MYO1D: variants seen among roughly 807,000 people sequenced by gnomAD.
MYO1D encodes unconventional myosin-Id.
Under a neutral mutation model 122.0 loss-of-function variants are expected in MYO1D, and 83 were observed. That is an observed-to-expected ratio of 0.68 (90% CI 0.57 to 0.82). The LOEUF is 0.82. Ranked by LOEUF, MYO1D falls within the 40% of genes least tolerant of loss-of-function variation. The probability of loss-of-function intolerance (pLI) is 0.00; values close to 1 mark genes in which losing one functional copy is unlikely to be tolerated. For synonymous variants in MYO1D, 464 were observed against 446.9 expected, an observed-to-expected ratio of 1.04 and a Z score of -0.48; for missense variants, 1,157 against 1,269.5, an observed-to-expected ratio of 0.91 and a Z score of 1.35.
chr17:32,511,889 TG>T (rs1327087118), intron 21 of MYO1D, among the ~76,000 whole-genome samples: 1 of 152,208 alleles, frequency 6.6e-6, no homozygotes, highest in Non-Finnish European at 1.5e-5. Context: ...TTTATATTTG[TG>T]TGTAGCTGTG....
At chr17:32,630,809 G>A (rs1238202085) in intron 20 of MYO1D, among the ~76,000 whole-genome samples, 2 of 152,000 alleles carry the variant, frequency 1.3e-5, no homozygotes, top group Non-Finnish European at 2.9e-5. Flanking sequence ...TCCTGACCTC[G>A]TGATCCACCC....
chr17:32,764,352 T>G (rs1224060039), intron 8 of MYO1D, among the ~76,000 whole-genome samples: 1 of 152,204 alleles, frequency 6.6e-6, no homozygotes, highest in African/African-American at 2.4e-5. Flanking sequence ...GGTGATCCAC[T>G]GCAAAGCGTG....
chr17:32,503,782 T>G (rs73274238), intron 21 of MYO1D, among the ~76,000 whole-genome samples: 2,066 of 152,364 alleles, frequency 0.014, 37 homozygotes, highest in African/African-American at 0.047. Flanking sequence ...CAACAGCTAC[T>G]GACTGGAGCA....
At chr17:32,717,512 C>T (rs970522863) in intron 15 of MYO1D, among the ~76,000 whole-genome samples, 1 of 152,138 alleles carries the variant, frequency 6.6e-6, no homozygotes, top group Non-Finnish European at 1.5e-5. Context: ...TTTCTTTTTG[C>T]TGAAGTATAT....
At chr17:32,632,223 CT>C (rs2088017173) in intron 20 of MYO1D, among the ~76,000 whole-genome samples, 1 of 152,162 alleles carries the variant, frequency 6.6e-6, no homozygotes, top group African/African-American at 2.4e-5. Context: ...TTATAGCTCA[CT>C]TCAAATAACA....
chr17:32,584,024 G>T (rs529225736), intron 21 of MYO1D, among the ~76,000 whole-genome samples: 1 of 151,862 alleles, frequency 6.6e-6, no homozygotes, highest in Non-Finnish European at 1.5e-5. Flanking sequence ...GGCTGCCCTC[G>T]AACTCCTGGG....
intron 21 of MYO1D, among the ~76,000 whole-genome samples, chr17:32,502,350 A>G (rs1278440420): frequency 6.6e-6 from 1 of 152,224 alleles, no homozygotes; most frequent in East Asian, 1.9e-4. Flanking sequence ...TGAAATAGCC[A>G]GAAGAGGCAA....
At chr17:32,519,561 C>A (rs1222421985) in intron 21 of MYO1D, among the ~76,000 whole-genome samples, 1 of 151,862 alleles carries the variant, frequency 6.6e-6, no homozygotes, top group East Asian at 1.9e-4. Context: ...GAAACGAAGC[C>A]GCTGCCCGAG....
At chr17:32,698,993 A>T (rs1269424694) in intron 16 of MYO1D, among the ~76,000 whole-genome samples, 1 of 152,182 alleles carries the variant, frequency 6.6e-6, no homozygotes, top group East Asian at 1.9e-4. Context: ...TTTCAAGACA[A>T]GTCTTGCTCT....
intron 20 of MYO1D, among the ~76,000 whole-genome samples, chr17:32,613,264 G>A (rs1047607364): frequency 6.6e-6 from 1 of 151,806 alleles, no homozygotes; most frequent in East Asian, 1.9e-4. Context: ...CTACAATATG[G>A]AAAAAGAGAA....
intron 20 of MYO1D, among the ~76,000 whole-genome samples, chr17:32,633,421 C>G (rs1047953921): frequency 1.6e-4 from 24 of 152,180 alleles, no homozygotes; most frequent in Admixed American, 1.3e-3. Flanking sequence ...ACATCCCTCT[C>G]TTTAAGTACA....
chr17:32,494,906 G>C lies in MYO1D; in HGVS notation c.2874C>G (p.Arg958=), dbSNP rs201430613. The C allele has an allele frequency of 1.7e-5, 27 of 1,599,904 alleles. No homozygotes were observed. Among genetic ancestry groups the C allele is most frequent in the African/African-American group, 2.7e-5 (2 of 74,482 alleles). Reference sequence around the variant, plus strand: ...GGTTGGTGACGTTCACTTGAAGGTGGCGCTTCTCACTGCAGGAACCAAAAA... The same window carrying C: ...GGTTGGTGACGTTCACTTGAAGGTGCCGCTTCTCACTGCAGGAACCAAAAA... ...VLVNHFKSEK[R]HLQVNVTNPV... Residue 958 remains arginine (R), a synonymous_variant, in exon 22 of 22, where the codon CGC becomes CGG. Transcript: ENST00000318217.
intron 20 of MYO1D, among the ~76,000 whole-genome samples, chr17:32,631,898 C>T (rs1202983349): frequency 6.6e-6 from 1 of 151,176 alleles, no homozygotes; most frequent in East Asian, 1.9e-4. Flanking sequence ...GTTCCCTGTG[C>T]TATTCTTTCA....
intron 16 of MYO1D, among the ~76,000 whole-genome samples, chr17:32,701,521 C>A (rs2089248580): frequency 1.3e-5 from 2 of 152,036 alleles, no homozygotes; most frequent in South Asian, 2.1e-4. Context: ...TGATATAATT[C>A]ATCTATTCTT....
At chr17:32,835,877 G>A (rs2090817172) in intron 1 of MYO1D, among the ~76,000 whole-genome samples, 2 of 152,126 alleles carry the variant, frequency 1.3e-5, no homozygotes, top group Non-Finnish European at 2.9e-5. Flanking sequence ...ACCTAAAAGA[G>A]AATTAAGATT....
chr17:32,831,541 G>A (rs529484826), intron 1 of MYO1D, among the ~76,000 whole-genome samples: 1 of 152,292 alleles, frequency 6.6e-6, no homozygotes, highest in East Asian at 1.9e-4. Flanking sequence ...TGAGCATAGG[G>A]CTTCCACTAA....
rs1199294541 is a variant in MYO1D, at chr17:32,576,821, T to A, written c.2864+28266A>T. Among the ~76,000 whole-genome samples, 5 of 152,334 alleles carry A rather than the reference T, an allele frequency of 3.3e-5. No homozygotes were observed. The East Asian group carries it at 9.6e-4, about 29-fold the overall frequency. On this transcript the variant is annotated intron_variant, in intron 21 of 21. Transcript: ENST00000318217. ...ACAGGCACATGCCACCATGCCCAGC[T>A]AATTTTTTATTTTTAAATTTTTATT... is the stretch of plus-strand genomic sequence containing the variant.
chr17:32,682,294 A>T (rs1192527116), intron 16 of MYO1D, among the ~76,000 whole-genome samples: 1 of 151,390 alleles, frequency 6.6e-6, no homozygotes, highest in African/African-American at 2.4e-5. Flanking sequence ...TCCTGTCATT[A>T]TGATGTTAGC....
chr17:32,837,698 A>C (rs183132345), intron 1 of MYO1D, among the ~76,000 whole-genome samples: 61 of 152,230 alleles, frequency 4.0e-4, no homozygotes, highest in Middle Eastern at 6.8e-3. Context: ...CTATCAGTTG[A>C]TACTGGTGCC....
Sources: gnomAD v4.1 joint callset for allele counts (sites outside exome capture counted in the v4.1 genomes callset) on GRCh38, gnomAD v4.1.1 for gene constraint, MANE v1.5 for transcripts, NCBI Gene and HGNC (gene_info 2026-07-23, HGNC 2026-07-21) for gene names.